PXDN: variants seen among roughly 807,000 people sequenced by gnomAD.
PXDN encodes the protein peroxidasin.
In PXDN, 77 loss-of-function variants were observed where a neutral mutation model predicts 140.3. The observed-to-expected ratio is 0.55, with a 90% confidence interval of 0.46 to 0.66. The LOEUF is 0.66. Among genes scored for constraint, PXDN ranks in the 30% least tolerant of loss-of-function variants. PXDN has a pLI of 0.00. For synonymous variants in PXDN, 911 were observed against 857.4 expected (o/e 1.06, Z -1.09); for missense variants, 1,838 against 2,039.5 (o/e 0.90, Z 1.90).
chr2:1,677,301 G>A (rs2125437830), intron 7 of PXDN, among the ~76,000 whole-genome samples: 1 of 152,354 alleles, frequency 6.6e-6, no homozygotes, highest in East Asian at 1.9e-4. Flanking sequence ...GAGTTGGGCA[G>A]ACAGCCCCAA....
At chr2:1,741,943 C>G (rs1685554089) in intron 1 of PXDN, among the ~76,000 whole-genome samples, 2 of 152,126 alleles carry the variant, frequency 1.3e-5, no homozygotes, top group Non-Finnish European at 2.9e-5. Context: ...ACAGGATATC[C>G]CCGCAGAATA....
At chr2:1,635,769 G>A (rs184850264) in intron 21 of PXDN, 26 of 483,558 alleles carry the variant, frequency 5.4e-5, no homozygotes, top group Middle Eastern at 6.2e-4. Context: ...CAAAGGCGAC[G>A]TTCTCAGAGG....
intron 7 of PXDN, among the ~76,000 whole-genome samples, chr2:1,677,634 G>C (rs1311209103): frequency 6.6e-6 from 1 of 151,162 alleles, no homozygotes; most frequent in Non-Finnish European, 1.5e-5. Flanking sequence ...CCCGAGGGCT[G>C]ACGGCTCCCA....
At chr2:1,715,892 C>T (rs1371877993) in intron 1 of PXDN, among the ~76,000 whole-genome samples, 6 of 152,116 alleles carry the variant, frequency 3.9e-5, no homozygotes, top group African/African-American at 1.4e-4. Flanking sequence ...GCAAACAATA[C>T]AGCCCTCACC....
At chr2:1,661,281 G>A (rs551073632) in intron 13 of PXDN, among the ~76,000 whole-genome samples, 1 of 152,268 alleles carries the variant, frequency 6.6e-6, no homozygotes, top group South Asian at 2.1e-4. Flanking sequence ...GACAGCTTGA[G>A]GCAAGGATGA....
At chr2:1,712,890 G>A (rs1684815844) in intron 1 of PXDN, among the ~76,000 whole-genome samples, 2 of 152,060 alleles carry the variant, frequency 1.3e-5, no homozygotes, top group African/African-American at 4.8e-5. Context: ...AGGCCTGGCT[G>A]ATTTTTTGTA....
At chr2:1,710,099 A>G (rs530344337) in intron 1 of PXDN, among the ~76,000 whole-genome samples, 1 of 152,270 alleles carries the variant, frequency 6.6e-6, no homozygotes, top group South Asian at 2.1e-4. Flanking sequence ...GTTTTGCACT[A>G]TTATAAATAG....
At chr2:1,720,722 T>TCA (rs1244652557) in intron 1 of PXDN, among the ~76,000 whole-genome samples, 5 of 40,504 alleles carry the variant, frequency 1.2e-4, no homozygotes, top group African/African-American at 1.8e-4. Flanking sequence ...TCTCTCTCTC[T>TCA]CTCACACACA....
chr2:1,663,484 T>G lies in PXDN; in HGVS notation c.1567+121A>C, dbSNP rs373014446. The G allele has an allele frequency of 1.4e-4, 188 of 1,359,318 alleles. No homozygotes were observed. The East Asian group carries it at 2.8e-3, about 20-fold the overall frequency. 84.2% of individuals were successfully genotyped at this position (1,359,318 alleles called of 1,614,324 possible). ...ACAAGCACAATGACGGTGCACAAAA[T>G]GCAGAGAGAACAGCCAACGCTTTAT... On this transcript the variant is annotated intron_variant, in intron 12 of 22. Transcript: ENST00000252804.
At chr2:1,737,313 A>G (rs546863363) in intron 1 of PXDN, among the ~76,000 whole-genome samples, 2 of 152,252 alleles carry the variant, frequency 1.3e-5, no homozygotes, top group African/African-American at 4.8e-5. Flanking sequence ...ATCCTCCAGA[A>G]TAAAGAAACC....
chr2:1,660,752 G>A lies in PXDN; in HGVS notation c.1837+129C>T. Reference sequence around the variant, plus strand: ...GCATCAGGAGAGTGTCCCCACCTGGGAATCAAGGGTGCTTTGTCTTCTGAA... The same window carrying A: ...GCATCAGGAGAGTGTCCCCACCTGGAAATCAAGGGTGCTTTGTCTTCTGAA... On this transcript the variant is annotated intron_variant, in intron 14 of 22. Coordinates refer to ENST00000252804, the MANE Select transcript of PXDN (RefSeq NM_012293.3). The surrounding 1 kb of genome is among the most constrained non-coding windows in gnomAD (Gnocchi z 4.6). 8.1e-7 allele frequency: 1 copy of A among 1,235,818 alleles called. No individual in the cohort carries two copies. The highest frequency in any genetic ancestry group is 1.1e-6 in the Non-Finnish European group (1 of 913,308). 76.6% of individuals were successfully genotyped at this position (1,235,818 alleles called of 1,614,324 possible). A position where few individuals can be genotyped will look rare whatever the true frequency, so the allele number is the denominator to read the frequency against.
chr2:1,685,002 G>A lies in PXDN; in HGVS notation c.417-851C>T, dbSNP rs1684015834. Among the ~76,000 whole-genome samples, 1 of 152,218 alleles carries A rather than the reference G, an allele frequency of 6.6e-6. No homozygotes were observed. Among genetic ancestry groups the A allele is most frequent in the African/African-American group, 2.4e-5 (1 of 41,464 alleles). On this transcript the variant is annotated intron_variant, in intron 4 of 22. Coordinates refer to ENST00000252804, the MANE Select transcript of PXDN (RefSeq NM_012293.3). This position sits in a 1 kb window ranked among gnomAD's most constrained non-coding sequence, Gnocchi z 5.1. The stretch of plus-strand genomic sequence containing the variant: ...GCCAAAATGAGCAAAGAAGCAGCAT[G>A]CCAGCGTTCACAGGTCTTCATAACT...
chr2:1,645,179 A>G (rs1682822559), intron 17 of PXDN, among the ~76,000 whole-genome samples: 1 of 152,202 alleles, frequency 6.6e-6, no homozygotes, highest in South Asian at 2.1e-4. Context: ...AAGTATATAC[A>G]TTTTTAAAGA....
chr2:1,644,326 A>G (rs1682801510), intron 18 of PXDN, among the ~76,000 whole-genome samples: 1 of 152,146 alleles, frequency 6.6e-6, no homozygotes, highest in African/African-American at 2.4e-5. Flanking sequence ...GTTTAGCTGT[A>G]TGGACTGTCC....
At position 1,673,830 on chromosome 2, in the gene PXDN, T is replaced by C. The variant is rs1022577121; in HGVS notation, c.849-18A>G. The C allele has an allele frequency of 1.2e-5, 19 of 1,613,574 alleles. No homozygotes were observed. In the African/African-American group the frequency reaches 1.2e-4, roughly 10 times the overall value. On this transcript the variant is annotated intron_variant, in intron 8 of 22. Transcript: ENST00000252804. ...GCTCATTACTACAAAGACAGAAATA[T>C]GGTCTGGTCAAGTGTTGAAAGCACA...
At chr2:1,654,086 T>G (rs1401644835) in intron 15 of PXDN, 4 of 486,708 alleles carry the variant, frequency 8.2e-6, no homozygotes, top group Admixed American at 3.8e-5. Context: ...ACAAATACAC[T>G]AATGACTTTT....
intron 8 of PXDN, among the ~76,000 whole-genome samples, chr2:1,674,230 GAC>G (rs1485322344): frequency 6.6e-6 from 1 of 152,166 alleles, no homozygotes; most frequent in African/African-American, 2.4e-5. Context: ...TTATTTTAGA[GAC>G]AGAGTCTCAC....
At chr2:1,634,814 A>G (rs115794290) in intron 22 of PXDN, among the ~76,000 whole-genome samples, 1,873 of 152,308 alleles carry the variant, frequency 0.012, 37 homozygotes, top group African/African-American at 0.043. Flanking sequence ...TGGCAAGAGA[A>G]GTGCCCGGGC....
At chr2:1,740,810 T>C (rs1028835115) in intron 1 of PXDN, among the ~76,000 whole-genome samples, 1 of 151,988 alleles carries the variant, frequency 6.6e-6, no homozygotes, top group African/African-American at 2.4e-5. Flanking sequence ...ACCCAGCAGA[T>C]GGTGAGAAAA....
Sources: allele counts gnomAD v4.1 joint callset (sites outside exome capture counted in the v4.1 genomes callset), GRCh38; gene constraint gnomAD v4.1.1; non-coding constraint Gnocchi (gnomAD v3.1); transcripts MANE v1.5; gene names NCBI Gene and HGNC (gene_info 2026-07-23, HGNC 2026-07-21).